Variants in PI4KA observed in about 807,000 individuals in gnomAD.
The protein encoded by PI4KA is phosphatidylinositol 4-kinase alpha.
In PI4KA, 122 loss-of-function variants were observed where a neutral mutation model predicts 271.4. The observed-to-expected ratio is 0.45, with a 90% confidence interval of 0.39 to 0.52. The LOEUF (loss-of-function observed/expected upper bound fraction) is 0.52. PI4KA is among the 20% of genes least tolerant of loss of function. The pLI is 0.00. For synonymous variants in PI4KA, 1,041 were observed against 1,078.8 expected, an observed-to-expected ratio of 0.96 and a Z score of 0.69; for missense variants, 1,969 against 2,769.1, an observed-to-expected ratio of 0.71 and a Z score of 6.48.
intron 29 of PI4KA, among the ~76,000 whole-genome samples, chr22:20,746,629 C>T (rs1171342190): frequency 6.6e-6 from 1 of 152,206 alleles, no homozygotes; most frequent in Non-Finnish European, 1.5e-5. Context: ...TCTGTGGCCA[C>T]CCAGTGGCAG....
intron 32 of PI4KA, among the ~76,000 whole-genome samples, chr22:20,741,263 C>T (rs972873309): frequency 3.3e-5 from 5 of 152,220 alleles, no homozygotes; most frequent in African/African-American, 1.2e-4. Flanking sequence ...CTCCAGTTGT[C>T]ATTTACTGAC....
At chr22:20,779,548 A>C (rs1158899692) in intron 19 of PI4KA, 1 of 1,614,146 alleles carries the variant, frequency 6.2e-7, no homozygotes, top group Non-Finnish European at 8.5e-7. Flanking sequence ...GACGACGACT[A>C]TCTGGACCTG....
intron 14 of PI4KA, among the ~76,000 whole-genome samples, chr22:20,800,959 C>T (rs1410048544): frequency 4.0e-5 from 6 of 148,446 alleles, no homozygotes; most frequent in Non-Finnish European, 6.0e-5. Context: ...GGTACAATCT[C>T]GGCTCACCGC....
At chr22:20,727,444 C>A in intron 40 of PI4KA, 47 bp from the exon 41 acceptor site, 3 of 1,518,038 alleles carry the variant, frequency 2.0e-6, no homozygotes, top group East Asian at 2.3e-5. Flanking sequence ...GTCCCGGGAC[C>A]TCTGGAAATA....
At chr22:20,800,767 C>G (rs1245036040) in intron 14 of PI4KA, among the ~76,000 whole-genome samples, 4 of 149,822 alleles carry the variant, frequency 2.7e-5, no homozygotes, top group Non-Finnish European at 5.9e-5. Context: ...CCAGCTACTC[C>G]AGAGGCTGAG....
At chr22:20,829,185 G>A (rs1923833699) in intron 3 of PI4KA, among the ~76,000 whole-genome samples, 3 of 152,112 alleles carry the variant, frequency 2.0e-5, no homozygotes, top group South Asian at 2.1e-4. Context: ...GAATTAGGGA[G>A]GAGTCCCTCC....
chr22:20,758,962 G>A (rs1322646942), intron 23 of PI4KA, among the ~76,000 whole-genome samples: 1 of 152,202 alleles, frequency 6.6e-6, no homozygotes, highest in Non-Finnish European at 1.5e-5. Flanking sequence ...CTTCCTGACT[G>A]TTGTACAGCA....
intron 47 of PI4KA, among the ~76,000 whole-genome samples, chr22:20,714,151 A>C (rs1167192865): frequency 6.6e-6 from 1 of 151,996 alleles, no homozygotes; most frequent in Non-Finnish European, 1.5e-5. Context: ...CAGAACTGAG[A>C]TCGTCCGTAC....
At chr22:20,780,343 G>A (rs1933671949) in intron 19 of PI4KA, 3 of 1,304,356 alleles carry the variant, frequency 2.3e-6, no homozygotes, top group Non-Finnish European at 3.3e-6. Flanking sequence ...AACGGGGACA[G>A]GGAAGGCCAA....
chr22:20,783,932 G>C, intron 19 of PI4KA: 1 of 1,614,030 alleles, frequency 6.2e-7, no homozygotes, highest in Non-Finnish European at 8.5e-7. Flanking sequence ...TTTCCCTAAA[G>C]GAACCTTCTC....
chr22:20,798,207 A>G (rs1025607620), intron 17 of PI4KA, among the ~76,000 whole-genome samples: 8 of 152,166 alleles, frequency 5.3e-5, no homozygotes, highest in Non-Finnish European at 1.0e-4. Flanking sequence ...CTAACATCCA[A>G]GCTAGAGACT....
At chr22:20,750,408 T>A (rs955855920) in intron 27 of PI4KA, among the ~76,000 whole-genome samples, 2 of 152,188 alleles carry the variant, frequency 1.3e-5, no homozygotes, top group Non-Finnish European at 2.9e-5. Context: ...TGTAAGACAA[T>A]CAATGTCTGT....
intron 15 of PI4KA, 81 bp from the exon 16 acceptor site, chr22:20,799,357 T>C: frequency 1.6e-6 from 2 of 1,275,126 alleles, no homozygotes; most frequent in Non-Finnish European, 2.1e-6. Flanking sequence ...GACTACGATC[T>C]AGACCTTAAT....
chr22:20,784,289 G>A (rs1414127616), intron 19 of PI4KA: 1 of 1,612,078 alleles, frequency 6.2e-7, no homozygotes, highest in Non-Finnish European at 8.5e-7. Context: ...CCCAGATGCT[G>A]GGGGTGTCTG....
rs80225803 is a variant in PI4KA at position 20,836,817 on chromosome 22, C to T, written c.273+1798G>A. 3.1e-3 allele frequency among the ~76,000 whole-genome samples: 469 copies of T among 152,270 alleles called. 2 individuals carry two copies. The highest frequency in any genetic ancestry group is 0.011 in the African/African-American group (449 of 41,546). ...GACAACATCACATGCCACCTGGGAC[C>T]CTGCTAGTCCTTACCCAGAACCTGA... On this transcript the variant is annotated intron_variant, in intron 2 of 54. Transcript: ENST00000255882.
At chr22:20,803,893 T>A (rs1935489366) in intron 12 of PI4KA, among the ~76,000 whole-genome samples, 1 of 152,222 alleles carries the variant, frequency 6.6e-6, no homozygotes, top group Admixed American at 6.5e-5. Context: ...AATATAATTT[T>A]TAAACAATGG....
At chr22:20,746,313 T>C (rs367974835) in intron 29 of PI4KA, among the ~76,000 whole-genome samples, 35 of 151,964 alleles carry the variant, frequency 2.3e-4, no homozygotes, top group Non-Finnish European at 4.1e-4. Context: ...CCGCCCGCCT[T>C]GGCCTCCCAA....
At chr22:20,807,032 G>C (rs1372412800) in intron 10 of PI4KA, among the ~76,000 whole-genome samples, 1 of 152,100 alleles carries the variant, frequency 6.6e-6, no homozygotes, top group Non-Finnish European at 1.5e-5. Context: ...ACTGTGCCTG[G>C]CCTCTTTTTT....
chr22:20,797,593 A>G (rs1935059018), intron 17 of PI4KA, among the ~76,000 whole-genome samples: 1 of 152,154 alleles, frequency 6.6e-6, no homozygotes, highest in Non-Finnish European at 1.5e-5. Context: ...GCAAGAAGGC[A>G]ATGAAGTAGT....
Sources: allele counts gnomAD v4.1 joint callset (sites outside exome capture counted in the v4.1 genomes callset), GRCh38; gene constraint gnomAD v4.1.1; transcripts MANE v1.5; gene names NCBI Gene and HGNC (gene_info 2026-07-23, HGNC 2026-07-21).